Variants in SARS1 observed in about 807,000 individuals in gnomAD.
SARS1 encodes the protein serine--tRNA ligase, cytoplasmic.
SARS1 carries 25 observed loss-of-function variants against 63.7 expected under a neutral mutation model. That is an observed-to-expected ratio of 0.39 (90% CI 0.29 to 0.55). The LOEUF is 0.55. Among genes scored for constraint, SARS1 ranks in the 20% least tolerant of loss-of-function variants. The pLI, the probability that SARS1 is intolerant of heterozygous loss-of-function variation, is 0.62. For synonymous variants in SARS1, 231 were observed against 243.5 expected (o/e 0.95, Z 0.48); for missense variants, 417 against 649.7 (o/e 0.64, Z 3.89).
At chr1:109,220,279 T>G (rs909390709) in intron 1 of SARS1, among the ~76,000 whole-genome samples, 4 of 152,222 alleles carry the variant, frequency 2.6e-5, no homozygotes, top group African/African-American at 9.6e-5. Flanking sequence ...TGTTTAGATT[T>G]AGTAGATAAT....
At chr1:109,231,074 T>G in intron 5 of SARS1, 53 bp downstream of exon 5, 4 of 980,856 alleles carry the variant, frequency 4.1e-6, no homozygotes, top group East Asian at 3.9e-5. Flanking sequence ...ACAAAATATA[T>G]ATATATATAT....
At chr1:109,227,917 CAAAAAAA>C (rs5776968) in intron 2 of SARS1, among the ~76,000 whole-genome samples, 142 of 121,866 alleles carry the variant, frequency 1.2e-3, no homozygotes, top group Middle Eastern at 3.9e-3. Context: ...GAGACTCCGT[CAAAAAAA>C]AAAAAAAAAA....
Position 109,223,988 on chromosome 1 carries a change from G to T in SARS1, c.147G>T (p.Arg49=), listed in dbSNP as rs1655012883. The T allele has an allele frequency of 6.2e-7, 1 of 1,612,834 alleles. No homozygotes were observed. Among genetic ancestry groups the T allele is most frequent in the African/African-American group, 1.3e-5 (1 of 74,966 alleles). ...ADSEWRRCRF[R]ADNLNKLKNL... is the part of the protein sequence containing the mutation. ...ATTCTTTATTCCTAGGTAGATTTCG[G>T]GCAGACAACTTGAACAAGCTGAAGA... The change falls in exon 2 of 11, where the codon CGG becomes CGT. Residue 49 remains arginine, a synonymous_variant. Coordinates refer to ENST00000234677, the MANE Select transcript of SARS1 (RefSeq NM_006513.4).
At position 109,224,029 on chromosome 1, in the gene SARS1, C is replaced by T; in HGVS notation, c.188C>T (p.Thr63Ile). 1.2e-6 allele frequency: 2 copies of T among 1,613,298 alleles called. No individual in the cohort carries two copies. The highest frequency in any genetic ancestry group is 1.7e-6 in the Non-Finnish European group (2 of 1,179,330). ...LNKLKNLCSK[T>I]IGEKMKKKEP... is the part of the protein sequence containing the mutation. ...AAGCTGAAGAACCTATGCAGCAAGA[C>T]AATCGGAGAGAAAATGAAGGTAAGA... The change falls in exon 2 of 11, where the codon ACA (threonine) becomes ATA (isoleucine). Residue 63 changes from threonine (T) to isoleucine (I), a missense_variant. Physicochemically the swap from Thr to Ile is moderately conservative, Grantham distance 89. Transcript: ENST00000234677.
Position 109,230,989 on chromosome 1 carries a change from G to T in SARS1, c.559G>T (p.Val187Leu), listed in dbSNP as rs188804802. ...TGGCTTTGAAGGCGAAAAGGGGGCC[G>T]TGGTGGCTGGGAGTCGAGGGTACTT... ...VDGFEGEKGAVVAGSRGYFLK... is the reference protein window; with the variant it reads ...VDGFEGEKGALVAGSRGYFLK... The change falls in exon 5 of 11, where the codon GTG (valine) becomes TTG (leucine). Residue 187 changes from valine (V) to leucine (L), a missense_variant. Physicochemically the swap from Val to Leu is conservative, Grantham distance 32. Around this residue, in one of 3 missense-constraint regions of SARS1, gnomAD observed 359 missense variants for 529.6 expected, o/e 0.68. Transcript: ENST00000234677. 1.3e-6 allele frequency: 2 copies of T among 1,547,250 alleles called. No homozygotes were observed. Among genetic ancestry groups the T allele is most frequent in the South Asian group, 2.5e-5 (2 of 80,042 alleles).
At position 109,217,010 on chromosome 1, in the gene SARS1, C is replaced by T. The variant is rs116832207; in HGVS notation, c.136+2882C>T. 648 of 985,448 alleles carry T rather than the reference C, an allele frequency of 6.6e-4. 5 individuals are homozygous for T. The African/African-American group carries it at 0.01, about 15-fold the overall frequency. The allele number at this position is 985,448 out of a possible 1,614,324, so 61.0% of individuals were successfully genotyped here. ...TTGCCCCAGCAACTGGAATAGCTTT[C>T]TATCTGCTTTCAATCTTAACCCAGT... is the stretch of plus-strand genomic sequence containing the variant. On this transcript the variant is annotated intron_variant, in intron 1 of 10. Coordinates refer to ENST00000234677, the MANE Select transcript of SARS1 (RefSeq NM_006513.4).
Position 109,235,997 on chromosome 1 carries a change from A to G in SARS1, c.990A>G (p.Ser330=), listed in dbSNP as rs1655299211. Residue 330 remains serine, a synonymous_variant, in exon 8 of 11, where the codon TCA becomes TCG. Transcript: ENST00000234677. This position sits in a 1 kb window ranked among gnomAD's most constrained non-coding sequence, Gnocchi z 4.7. ...QFEKIEQFVY[S]SPHDNKSWEM... ...TGCAGATTGAACAGTTTGTGTACTC[A>G]TCACCCCATGACAACAAGTCATGGG... 5 of 1,611,582 alleles carry G rather than the reference A, an allele frequency of 3.1e-6. No individual in the cohort carries two copies. Among genetic ancestry groups the G allele is most frequent in the African/African-American group, 1.3e-5 (1 of 74,904 alleles).
At chr1:109,233,394 T>C (rs1230068593) in intron 6 of SARS1, among the ~76,000 whole-genome samples, 2 of 152,134 alleles carry the variant, frequency 1.3e-5, no homozygotes, top group African/African-American at 4.8e-5. Context: ...TGTATGTGAA[T>C]GGCCCCACAG....
In SARS1 at chr1:109,214,483, T is replaced by G; in HGVS notation, c.136+355T>G. 1 of 1,009,250 alleles carries G rather than the reference T, an allele frequency of 9.9e-7. No individual in the cohort carries two copies. The highest frequency in any genetic ancestry group is 1.2e-6 in the Non-Finnish European group (1 of 830,522). 62.5% of individuals were successfully genotyped at this position (1,009,250 alleles called of 1,614,324 possible). ...ACGCGGCTTTCCTAACACGAATCTT[T>G]GGTCCCCCCCAGTCTTTTTCTCATC... On this transcript the variant is annotated intron_variant, in intron 1 of 10. Transcript: ENST00000234677. The surrounding 1 kb of genome is among the most constrained non-coding windows in gnomAD (Gnocchi z 4.6).
chr1:109,216,664 T>A, intron 1 of SARS1: 1 of 868,604 alleles, frequency 1.2e-6, no homozygotes, highest in Non-Finnish European at 1.4e-6. Context: ...AGACAAGGTC[T>A]CACTGTGTCA....
intron 2 of SARS1, among the ~76,000 whole-genome samples, chr1:109,228,010 A>G (rs1424560718): frequency 2.6e-5 from 4 of 151,796 alleles, no homozygotes; most frequent in Non-Finnish European, 5.9e-5. Flanking sequence ...CTTATAGCTC[A>G]TGAGCATTTC....
chr1:109,229,028 T>C (rs889278438), intron 3 of SARS1, among the ~76,000 whole-genome samples: 1 of 152,204 alleles, frequency 6.6e-6, no homozygotes, highest in Admixed American at 6.5e-5. Flanking sequence ...ATAATCTTCC[T>C]AGAGAACAGT....
In SARS1 at chr1:109,236,122, T is replaced by A; in HGVS notation, c.1099+16T>A. On this transcript the variant is annotated intron_variant, in intron 8 of 10. Transcript: ENST00000234677. ...ATTGTCTCAGGTATGGGACCCAGCC[T>A]CTTCTCAGCCTCCCTTTCCTGTAAT... 1 of 1,605,396 alleles carries A rather than the reference T, an allele frequency of 6.2e-7. No individual in the cohort carries two copies. The highest frequency in any genetic ancestry group is 8.5e-7 in the Non-Finnish European group (1 of 1,176,488).
intron 2 of SARS1, among the ~76,000 whole-genome samples, chr1:109,226,413 G>C (rs562662794): frequency 2.1e-5 from 3 of 144,470 alleles, no homozygotes; most frequent in Non-Finnish European, 4.5e-5. Context: ...GCGCAGTGGC[G>C]TGATCATAGC....
chr1:109,220,079 AATGTT>A (rs1654896727), intron 1 of SARS1, among the ~76,000 whole-genome samples: 1 of 152,210 alleles, frequency 6.6e-6, no homozygotes, highest in Non-Finnish European at 1.5e-5. Flanking sequence ...GGTACAATGT[AATGTT>A]ATGATTTATG....
In SARS1 at chr1:109,229,453, A is replaced by C; in HGVS notation, c.328A>C (p.Ile110Leu). The change falls in exon 4 of 11, where the codon ATT becomes CTT. Residue 110 changes from isoleucine to leucine, a missense_variant. Ile to Leu is a conservative substitution (Grantham distance 5). Coordinates refer to ENST00000234677, the MANE Select transcript of SARS1 (RefSeq NM_006513.4). ...VSQIKKVRLL[I>L]DEAILKCDAE... ...ACAAATCAAAAAAGTCCGACTCCTC[A>C]TTGATGAAGCCATCCTGAAGTGTGA... The C allele has an allele frequency of 6.2e-7, 1 of 1,614,180 alleles. No individual in the cohort carries two copies. The highest frequency in any genetic ancestry group is 8.5e-7 in the Non-Finnish European group (1 of 1,180,030).
At chr1:109,218,240 G>A (rs568500098) in intron 1 of SARS1, among the ~76,000 whole-genome samples, 6 of 144,352 alleles carry the variant, frequency 4.2e-5, no homozygotes, top group South Asian at 2.2e-4. Flanking sequence ...GGTGGCGGGC[G>A]CCTGTAATCC....
intron 6 of SARS1, among the ~76,000 whole-genome samples, chr1:109,233,862 A>ATTTTTTTTTTTTTTTTTTTTTTTTTTTTT (rs1164453054): frequency 1.5e-5 from 1 of 65,968 alleles, no homozygotes; most frequent in Non-Finnish European, 2.7e-5. Context: ...CACCTGGCTA[A>ATTTTTTTTTTTTTTTTTTTTTTTTTTTTT]TTTTTTTTTT....
intron 1 of SARS1, chr1:109,216,706 A>C: frequency 4.8e-6 from 3 of 623,214 alleles, no homozygotes; most frequent in Non-Finnish European, 6.0e-6. Flanking sequence ...CTGCAGCCTC[A>C]ATCTCCCCAG....
Sources: gnomAD v4.1 joint callset for allele counts (sites outside exome capture counted in the v4.1 genomes callset) on GRCh38, gnomAD v4.1.1 for gene constraint, gnomAD v4.1.1 regional missense constraint, Gnocchi (gnomAD v3.1) non-coding constraint, MANE v1.5 for transcripts, NCBI Gene and HGNC (gene_info 2026-07-23, HGNC 2026-07-21) for gene names.